The following CDH17 variants were observed in gnomAD, a reference collection of about 807,000 sequenced individuals.
The protein encoded by CDH17 is cadherin-17.
CDH17 carries 67 observed loss-of-function variants against 86.3 expected under a neutral mutation model. The ratio of observed to expected loss-of-function variants is 0.78; its 90% confidence interval spans 0.64 to 0.95. CDH17 has a LOEUF of 0.95. CDH17 is among the 40% of genes least tolerant of loss of function. The pLI, the probability that CDH17 is intolerant of heterozygous loss-of-function variation, is 0.00. For synonymous variants in CDH17, 367 were observed against 366.4 expected (o/e 1.00, Z -0.02); for missense variants, 993 against 1,017.6 (o/e 0.98, Z 0.33).
rs780467687 is a variant in CDH17 at position 94,170,843 on chromosome 8, C to G, written c.915+11G>C. 6 of 1,612,642 alleles carry G rather than the reference C, an allele frequency of 3.7e-6. No individual in the cohort carries two copies. The highest frequency in any genetic ancestry group is 3.4e-6 in the Non-Finnish European group (4 of 1,179,430). On this transcript the variant is annotated intron_variant, in intron 8 of 17. Transcript: ENST00000027335. ...GTCTTGTCGCCTGTGAAACTCTTCT[C>G]TTTTACTCACTGCATCCTTTTCTTC...
chr8:94,165,379 C>T (rs1271923637), intron 10 of CDH17, among the ~76,000 whole-genome samples: 1 of 152,164 alleles, frequency 6.6e-6, no homozygotes, highest in African/African-American at 2.4e-5. Context: ...GACATTCCCA[C>T]CAGCCTTCCT....
At chr8:94,194,793 C>A in intron 1 of CDH17, 88 bp from the exon 2 acceptor site, 1 of 721,130 alleles carries the variant, frequency 1.4e-6, no homozygotes. Flanking sequence ...GGATGATATC[C>A]AGTTATAAAT....
At chr8:94,210,358 T>G (rs1189124567), upstream of CDH17, among the ~76,000 whole-genome samples, 4 of 151,790 alleles carry the variant, frequency 2.6e-5, no homozygotes, top group African/African-American at 9.7e-5. Flanking sequence ...AGCCCCCAGC[T>G]TCCAGCTCAA....
chr8:94,194,884 C>T (rs575615654), intron 1 of CDH17, among the ~76,000 whole-genome samples, 179 bp from the exon 2 acceptor site: 2 of 152,308 alleles, frequency 1.3e-5, no homozygotes, highest in East Asian at 3.9e-4. Context: ...TGCACATCAT[C>T]CATAGCAATA....
chr8:94,134,088 T>G (rs1812473520), intron 15 of CDH17, among the ~76,000 whole-genome samples: 3 of 152,232 alleles, frequency 2.0e-5, no homozygotes, highest in African/African-American at 7.2e-5. Flanking sequence ...CACATCGATG[T>G]TCATCAAGGA....
At chr8:94,147,604 T>C (rs1418830633) in intron 14 of CDH17, among the ~76,000 whole-genome samples, 1 of 152,228 alleles carries the variant, frequency 6.6e-6, no homozygotes, top group African/African-American at 2.4e-5. Flanking sequence ...TGGTCAACAT[T>C]GGATCAACAG....
intron 9 of CDH17, among the ~76,000 whole-genome samples, chr8:94,169,384 AGGC>A (rs1186235301): frequency 2.0e-5 from 3 of 152,294 alleles, no homozygotes; most frequent in African/African-American, 7.2e-5. Context: ...CACTGACAAA[AGGC>A]AGCCCACACG....
chr8:94,184,848 G>T (rs1465049517), intron 3 of CDH17, among the ~76,000 whole-genome samples: 1 of 152,130 alleles, frequency 6.6e-6, no homozygotes, highest in South Asian at 2.1e-4. Context: ...GAAGTGTATG[G>T]TGGTTCAGTT....
intron 15 of CDH17, among the ~76,000 whole-genome samples, chr8:94,139,238 C>A (rs1812589886): frequency 6.6e-6 from 1 of 151,634 alleles, no homozygotes; most frequent in Non-Finnish European, 1.5e-5. Context: ...ATAATATAGC[C>A]ATTGAATATA....
At chr8:94,136,194 T>A (rs1812522157) in intron 15 of CDH17, among the ~76,000 whole-genome samples, 1 of 152,194 alleles carries the variant, frequency 6.6e-6, no homozygotes, top group Non-Finnish European at 1.5e-5. Context: ...AATTTGAATG[T>A]TGGCCTGCCT....
At chr8:94,208,329 C>T (rs1271705210) in intron 1 of CDH17, among the ~76,000 whole-genome samples, 154 bp downstream of exon 1, 2 of 152,186 alleles carry the variant, frequency 1.3e-5, no homozygotes, top group Non-Finnish European at 2.9e-5. Flanking sequence ...CAAAACTTGT[C>T]ATGCCAGCAA....
intron 12 of CDH17, among the ~76,000 whole-genome samples, chr8:94,159,388 C>A (rs942810730): frequency 1.3e-5 from 2 of 152,128 alleles, no homozygotes; most frequent in Non-Finnish European, 2.9e-5. Flanking sequence ...AGACACTTGT[C>A]TATTAAACCT....
upstream of CDH17, among the ~76,000 whole-genome samples, chr8:94,211,505 G>T (rs934983316): frequency 6.6e-6 from 1 of 152,094 alleles, no homozygotes; most frequent in Non-Finnish European, 1.5e-5. Context: ...TAGAGACGGG[G>T]TTTAACCATG....
intron 5 of CDH17, 68 bp from the exon 6 acceptor site, chr8:94,174,328 C>G (rs1813330730): frequency 1.4e-6 from 2 of 1,461,640 alleles, no homozygotes; most frequent in Admixed American, 4.5e-5. Flanking sequence ...CCAACCATAG[C>G]TACTTTTTCC....
rs200480935 is a variant in CDH17 at position 94,130,662 on chromosome 8, C to T, written c.2362G>A (p.Ala788Thr). The change falls in exon 17 of 18, where the codon GCA becomes ACA. Residue 788 changes from alanine to threonine, a missense_variant. Transcript: ENST00000027335. ...AGGGTGGTCAGCAGTATACCAACTG[C>T]CATGCCCACAGTGGGTATCCCAGTC... ...HQTGIPTVGM[A>T]VGILLTTLLV... The T allele has an allele frequency of 4.3e-5, 70 of 1,613,574 alleles. No individual in the cohort carries two copies. In the East Asian group the frequency reaches 1.5e-3, roughly 34 times the overall value.
At position 94,174,264 on chromosome 8, in the gene CDH17, T is replaced by C; in HGVS notation, c.425-4A>G. On this transcript the variant is annotated splice_polypyrimidine_tract_variant and splice_region_variant and intron_variant, in intron 5 of 17. Transcript: ENST00000027335. ...TTGACATACAAGAAGGGCTTTCCTG[T>C]TTAACAAGACGTACCCAGAAAAAAA... The C allele has an allele frequency of 6.3e-7, 1 of 1,587,614 alleles. No individual in the cohort carries two copies. Among genetic ancestry groups the C allele is most frequent in the South Asian group, 1.2e-5 (1 of 86,272 alleles).
chr8:94,165,988 G>A lies in CDH17; in HGVS notation c.1067-12C>T. On this transcript the variant is annotated splice_polypyrimidine_tract_variant and intron_variant, in intron 9 of 17. Transcript: ENST00000027335. ...CCCGATACTGTTACCTATGAGGAAG[G>A]AAAGAAGGAAAACCCACCATTACAG... 4 of 1,557,958 alleles carry A rather than the reference G, an allele frequency of 2.6e-6. No individual in the cohort carries two copies. The highest frequency in any genetic ancestry group is 1.4e-5 in the African/African-American group (1 of 73,862).
chr8:94,205,775 A>C (rs912040487), intron 1 of CDH17, among the ~76,000 whole-genome samples: 6 of 152,170 alleles, frequency 3.9e-5, no homozygotes, highest in African/African-American at 1.4e-4. Flanking sequence ...CACTTTGGAC[A>C]ACTTACTTGA....
chr8:94,199,126 A>G (rs1465893376), intron 1 of CDH17, among the ~76,000 whole-genome samples: 2 of 145,308 alleles, frequency 1.4e-5, no homozygotes, highest in African/African-American at 5.2e-5. Context: ...TACTGCCACT[A>G]TTAAATAAAA....
Sources: allele counts gnomAD v4.1 joint callset (sites outside exome capture counted in the v4.1 genomes callset), GRCh38; gene constraint gnomAD v4.1.1; transcripts MANE v1.5; gene names NCBI Gene and HGNC (gene_info 2026-07-23, HGNC 2026-07-21).